MRTFB: variants seen among roughly 807,000 people sequenced by gnomAD.
The protein encoded by MRTFB is myocardin related transcription factor B.
In MRTFB, 29 loss-of-function variants were observed where a neutral mutation model predicts 104.2. The observed-to-expected ratio is 0.28, with a 90% confidence interval of 0.21 to 0.38. MRTFB has a LOEUF of 0.38. Ranked by LOEUF, MRTFB falls within the 10% of genes least tolerant of loss-of-function variation. The probability of loss-of-function intolerance (pLI) is 1.00; values close to 1 mark genes in which losing one functional copy is unlikely to be tolerated. For missense variants in MRTFB, 1,270 were observed against 1,341.6 expected, an observed-to-expected ratio of 0.95 and a Z score of 0.83; for synonymous variants, 535 against 519.5, an observed-to-expected ratio of 1.03 and a Z score of -0.41.
At chr16:14,241,088 G>T in intron 10 of MRTFB, 1 of 362,554 alleles carries the variant, frequency 2.8e-6, no homozygotes, top group South Asian at 5.2e-5. Context: ...AAGGGGACTT[G>T]AAGCTGGGCA....
At chr16:14,062,764 C>G in the MRTFB span, among the ~76,000 whole-genome samples, 2 of 152,198 alleles carry the variant, frequency 1.3e-5, no homozygotes, top group African/African-American at 4.8e-5. Context: ...CCCCAAACCA[C>G]ACTGCAGGCC....
chr16:14,122,946 G>A (rs900806537), intron 2 of MRTFB, among the ~76,000 whole-genome samples: 9 of 152,260 alleles, frequency 5.9e-5, no homozygotes, highest in Middle Eastern at 3.4e-3. Flanking sequence ...ATCCTCTCCA[G>A]CATCTGTTGT....
At chr16:14,156,466 G>C (rs1023925439) in intron 3 of MRTFB, among the ~76,000 whole-genome samples, 1 of 152,194 alleles carries the variant, frequency 6.6e-6, no homozygotes, top group Non-Finnish European at 1.5e-5. Context: ...TAAAGACCAG[G>C]CTAATAGTTA....
chr16:14,102,803 A>G (rs905642268), intron 2 of MRTFB, among the ~76,000 whole-genome samples: 1 of 152,246 alleles, frequency 6.6e-6, no homozygotes, highest in Admixed American at 6.5e-5. Context: ...GTTTAATAAT[A>G]TTCACATAGT....
intron 7 of MRTFB, among the ~76,000 whole-genome samples, chr16:14,218,308 C>T (rs2041518864): frequency 6.6e-6 from 1 of 152,176 alleles, no homozygotes; most frequent in Admixed American, 6.5e-5. Flanking sequence ...ATCCACCCGC[C>T]TCAGCCTCCC....
chr16:14,166,306 T>TAA (rs1304992280), intron 3 of MRTFB, among the ~76,000 whole-genome samples: 2 of 150,398 alleles, frequency 1.3e-5, no homozygotes, highest in Non-Finnish European at 3.0e-5. Flanking sequence ...CATATCCATA[T>TAA]AATAAACACA....
At chr16:14,117,127 C>T (rs2036581060) in intron 2 of MRTFB, among the ~76,000 whole-genome samples, 3 of 152,202 alleles carry the variant, frequency 2.0e-5, no homozygotes, top group Non-Finnish European at 4.4e-5. Flanking sequence ...CTCCTTTTGC[C>T]TTTGGGCCAT....
intron 1 of MRTFB, among the ~76,000 whole-genome samples, chr16:14,072,497 C>T (rs1029118912): frequency 3.3e-5 from 5 of 152,076 alleles, no homozygotes; most frequent in African/African-American, 1.2e-4. Flanking sequence ...CAAGCCTGGG[C>T]AATATAGCGA....
intron 8 of MRTFB, among the ~76,000 whole-genome samples, chr16:14,226,295 C>T (rs1340803807): frequency 2.6e-5 from 4 of 152,044 alleles, no homozygotes; most frequent in South Asian, 2.1e-4. Context: ...TTCCTAATTT[C>T]GAAACTTACT....
At chr16:14,118,380 G>A (rs1006869632) in intron 2 of MRTFB, among the ~76,000 whole-genome samples, 1 of 151,356 alleles carries the variant, frequency 6.6e-6, no homozygotes, top group Non-Finnish European at 1.5e-5. Flanking sequence ...GAACTCAAGC[G>A]ATCTGCCCGC....
intron 3 of MRTFB, among the ~76,000 whole-genome samples, chr16:14,169,741 T>G (rs2039362368): frequency 6.6e-6 from 1 of 152,176 alleles, no homozygotes; most frequent in Admixed American, 6.5e-5. Flanking sequence ...AAAGAAATTG[T>G]AAGCCATGCA....
At chr16:14,111,478 TA>T (rs1448236409) in intron 2 of MRTFB, among the ~76,000 whole-genome samples, 1 of 152,190 alleles carries the variant, frequency 6.6e-6, no homozygotes, top group Non-Finnish European at 1.5e-5. Context: ...TAGAGGTGAA[TA>T]AAGAACTTCA....
intron 2 of MRTFB, among the ~76,000 whole-genome samples, chr16:14,101,354 G>C (rs2035694125): frequency 6.6e-6 from 1 of 152,290 alleles, no homozygotes; most frequent in African/African-American, 2.4e-5. Context: ...TGCTTAGCTT[G>C]TGAGGAGTGG....
chr16:14,006,901 C>T, the MRTFB span, among the ~76,000 whole-genome samples: 2 of 151,954 alleles, frequency 1.3e-5, no homozygotes, highest in East Asian at 3.9e-4. Flanking sequence ...CCTATAGTCT[C>T]AGCTACTTGG....
chr16:14,007,440 A>G, the MRTFB span, among the ~76,000 whole-genome samples: 1 of 152,196 alleles, frequency 6.6e-6, no homozygotes, highest in East Asian at 1.9e-4. Flanking sequence ...ATGTTTCATC[A>G]TATGTATAAA....
chr16:14,244,812 A>G (rs2042943857), intron 10 of MRTFB, among the ~76,000 whole-genome samples: 1 of 152,170 alleles, frequency 6.6e-6, no homozygotes, highest in South Asian at 2.1e-4. Context: ...TTTGTCAGAA[A>G]TATGTATTAC....
chr16:14,191,725 T>C (rs2040193232), intron 3 of MRTFB: 2 of 152,230 alleles, frequency 1.3e-5, no homozygotes, highest in South Asian at 4.1e-4. Flanking sequence ...TATAAATTAA[T>C]GGCTTACCCC....
intron 3 of MRTFB, among the ~76,000 whole-genome samples, chr16:14,155,673 C>G (rs938057458): frequency 6.6e-6 from 1 of 152,176 alleles, no homozygotes; most frequent in African/African-American, 2.4e-5. Context: ...GCCAGGGAGA[C>G]TCCCCTTAAA....
intron 3 of MRTFB, among the ~76,000 whole-genome samples, chr16:14,160,573 C>T (rs891361266): frequency 1.3e-5 from 2 of 152,026 alleles, no homozygotes; most frequent in African/African-American, 4.8e-5. Context: ...TTCCCAACCT[C>T]CTTTCATCTG....
Sources: allele counts gnomAD v4.1 joint callset (sites outside exome capture counted in the v4.1 genomes callset), GRCh38; gene constraint gnomAD v4.1.1; transcripts MANE v1.5; gene names NCBI Gene and HGNC (gene_info 2026-07-23, HGNC 2026-07-21).